ROBO2: variants seen among roughly 807,000 people sequenced by gnomAD.
The protein encoded by ROBO2 is roundabout homolog 2.
A neutral mutation model predicts 160.8 loss-of-function variants in ROBO2; 53 were observed. That is an observed-to-expected ratio of 0.33 (90% CI 0.26 to 0.41). The LOEUF (loss-of-function observed/expected upper bound fraction) is 0.41. ROBO2 is among the 10% of genes least tolerant of loss of function. The pLI, the probability that ROBO2 is intolerant of heterozygous loss-of-function variation, is 1.00. For missense variants in ROBO2, 1,577 were observed against 1,722.4 expected, an observed-to-expected ratio of 0.92 and a Z score of 1.49; for synonymous variants, 664 against 611.7, an observed-to-expected ratio of 1.09 and a Z score of -1.26.
intron 2 of ROBO2, among the ~76,000 whole-genome samples, chr3:76,478,699 T>A (rs1310816651): frequency 1.4e-5 from 2 of 146,740 alleles, no homozygotes; most frequent in African/African-American, 5.3e-5. Context: ...TTTTTTTTTT[T>A]GAGAGACATG....
chr3:76,494,488 G>T (rs952600678), intron 2 of ROBO2, among the ~76,000 whole-genome samples: 3 of 152,248 alleles, frequency 2.0e-5, no homozygotes, highest in African/African-American at 7.2e-5. Context: ...AAGGAAGATA[G>T]AATTATTTTA....
intron 2 of ROBO2, among the ~76,000 whole-genome samples, chr3:76,652,434 G>C (rs1439139951): frequency 6.6e-6 from 1 of 152,092 alleles, no homozygotes; most frequent in African/African-American, 2.4e-5. Flanking sequence ...TTTTATAAGG[G>C]AAAAGCTGAG....
intron 2 of ROBO2, among the ~76,000 whole-genome samples, chr3:75,956,826 C>A (rs558269642): frequency 6.6e-6 from 1 of 151,840 alleles, no homozygotes; most frequent in South Asian, 2.1e-4. Flanking sequence ...CTTTTATTTG[C>A]CATTCGCATT....
intron 2 of ROBO2, among the ~76,000 whole-genome samples, chr3:76,857,991 C>A (rs1559611237): frequency 6.6e-6 from 1 of 152,102 alleles, no homozygotes; most frequent in Non-Finnish European, 1.5e-5. Context: ...CCAGTTAACT[C>A]CAGTTTACCC....
intron 2 of ROBO2, among the ~76,000 whole-genome samples, chr3:76,693,679 C>T (rs2597249): frequency 0.33 from 49,927 of 151,886 alleles, 9,009 homozygotes; most frequent in East Asian, 0.53. Flanking sequence ...CTCAATCTCT[C>T]AGCCTGAGGC....
At chr3:76,891,368 A>T (rs2074332283) in intron 2 of ROBO2, among the ~76,000 whole-genome samples, 1 of 152,118 alleles carries the variant, frequency 6.6e-6, no homozygotes, top group South Asian at 2.1e-4. Context: ...TAAAATTATT[A>T]TTTTTGATTT....
At chr3:76,890,707 G>T (rs1428282739) in intron 2 of ROBO2, among the ~76,000 whole-genome samples, 1 of 152,016 alleles carries the variant, frequency 6.6e-6, no homozygotes, top group Non-Finnish European at 1.5e-5. Context: ...GCCACTTACT[G>T]GACACTCCAA....
At chr3:76,360,679 G>T (rs1488972374) in intron 2 of ROBO2, among the ~76,000 whole-genome samples, 3 of 152,044 alleles carry the variant, frequency 2.0e-5, no homozygotes, top group Non-Finnish European at 4.4e-5. Flanking sequence ...TTAAAGCCAG[G>T]TATAGTCATA....
chr3:75,967,897 A>G (rs1361235875), intron 2 of ROBO2, among the ~76,000 whole-genome samples: 6 of 151,472 alleles, frequency 4.0e-5, no homozygotes, highest in African/African-American at 9.7e-5. Flanking sequence ...AGTAATATTG[A>G]CTGTAAGTAT....
At chr3:77,032,098 C>T (rs1345145925) in intron 2 of ROBO2, among the ~76,000 whole-genome samples, 1 of 152,154 alleles carries the variant, frequency 6.6e-6, no homozygotes, top group Admixed American at 6.5e-5. Context: ...AAGGCCCTAC[C>T]TTCTAATACT....
intron 2 of ROBO2, among the ~76,000 whole-genome samples, chr3:76,587,167 C>G (rs1433709872): frequency 6.6e-6 from 1 of 152,048 alleles, no homozygotes; most frequent in Non-Finnish European, 1.5e-5. Flanking sequence ...GCCTTAACAC[C>G]CATTTCAAAA....
chr3:76,992,951 G>A (rs777048981), intron 2 of ROBO2, among the ~76,000 whole-genome samples: 1 of 151,994 alleles, frequency 6.6e-6, no homozygotes, highest in Non-Finnish European at 1.5e-5. Context: ...CTGAATAACT[G>A]GGATTACAGG....
intron 2 of ROBO2, among the ~76,000 whole-genome samples, chr3:77,219,760 C>A (rs2085531502): frequency 6.6e-6 from 1 of 151,498 alleles, no homozygotes; most frequent in African/African-American, 2.4e-5. Flanking sequence ...TTCAAAAATG[C>A]TTTGCAAATG....
At chr3:76,744,971 A>G (rs894409765) in intron 2 of ROBO2, among the ~76,000 whole-genome samples, 1 of 152,186 alleles carries the variant, frequency 6.6e-6, no homozygotes, top group African/African-American at 2.4e-5. Context: ...TTTTCCTGCC[A>G]GAAGACAAAG....
At chr3:77,412,997 G>T (rs1159771007) in intron 2 of ROBO2, among the ~76,000 whole-genome samples, 1 of 152,122 alleles carries the variant, frequency 6.6e-6, no homozygotes, top group African/African-American at 2.4e-5. Flanking sequence ...CAGGAGGGTA[G>T]CTTGGGTCCA....
intron 2 of ROBO2, among the ~76,000 whole-genome samples, chr3:76,055,791 G>C (rs546931290): frequency 6.6e-6 from 1 of 151,702 alleles, no homozygotes; most frequent in Non-Finnish European, 1.5e-5. Flanking sequence ...ACGGAGTCTC[G>C]CTCTGTCGGC....
At chr3:76,578,809 G>A (rs2085473803) in intron 2 of ROBO2, among the ~76,000 whole-genome samples, 1 of 152,068 alleles carries the variant, frequency 6.6e-6, no homozygotes, top group Admixed American at 6.6e-5. Context: ...TCTGTAACTG[G>A]ACACCTAAAG....
rs1424610401 is a variant in ROBO2 at position 76,240,051 on chromosome 3, G to T, written c.109+302449G>T. Among the ~76,000 whole-genome samples, 3 of 152,134 alleles carry T rather than the reference G, an allele frequency of 2.0e-5. No individual in the cohort carries two copies. The East Asian group carries it at 5.8e-4, about 29-fold the overall frequency. On this transcript the variant is annotated intron_variant, in intron 2 of 26. Transcript: ENST00000487694. ...TATGGTCACAGTGTGATCAGGCAGAGCACAGGCCGTTCTAGACATGAAGCT... is the reference window on the plus strand; with the variant it reads ...TATGGTCACAGTGTGATCAGGCAGATCACAGGCCGTTCTAGACATGAAGCT...
intron 2 of ROBO2, among the ~76,000 whole-genome samples, chr3:76,532,847 G>A (rs2082300737): frequency 6.6e-6 from 1 of 152,166 alleles, no homozygotes; most frequent in South Asian, 2.1e-4. Context: ...AGTGTGAGAA[G>A]AGTGGGGTCA....
Sources: allele counts gnomAD v4.1 joint callset (sites outside exome capture counted in the v4.1 genomes callset), GRCh38; gene constraint gnomAD v4.1.1; transcripts MANE v1.5; gene names NCBI Gene and HGNC (gene_info 2026-07-23, HGNC 2026-07-21).